KDM4C: variants seen among roughly 807,000 people sequenced by gnomAD.
KDM4C encodes lysine demethylase 4C.
Under a neutral mutation model 129.3 loss-of-function variants are expected in KDM4C, and 81 were observed. The ratio of observed to expected loss-of-function variants is 0.63; its 90% CI spans 0.52 to 0.75. KDM4C has a LOEUF of 0.75. Ranked by LOEUF, KDM4C falls within the 30% of genes least tolerant of loss-of-function variation. KDM4C has a pLI of 0.00. For missense variants in KDM4C, 1,457 were observed against 1,304.0 expected, an observed-to-expected ratio of 1.12 and a Z score of -1.81; for synonymous variants, 573 against 456.1, an observed-to-expected ratio of 1.26 and a Z score of -3.26.
chr9:6,863,210 A>G (rs1389428815), intron 5 of KDM4C, among the ~76,000 whole-genome samples: 1 of 151,742 alleles, frequency 6.6e-6, no homozygotes, highest in Non-Finnish European at 1.5e-5. Context: ...CTTAATTTAC[A>G]TGTTTTAATA....
intron 15 of KDM4C, among the ~76,000 whole-genome samples, chr9:7,016,132 C>CTTT (rs747210107): frequency 2.7e-4 from 39 of 144,296 alleles, no homozygotes; most frequent in African/African-American, 6.9e-4. Flanking sequence ...AATTTATTTT[C>CTTT]TTTTTTTTTT....
At position 6,849,174 on chromosome 9, in the gene KDM4C, C is replaced by T. The variant is rs540395244; in HGVS notation, c.436-333C>T. Among the ~76,000 whole-genome samples the T allele has an allele frequency of 5.9e-5, 9 of 152,252 alleles. No individual in the cohort carries two copies. The East Asian group carries it at 9.7e-4, about 16-fold the overall frequency. On this transcript the variant is annotated intron_variant, in intron 4 of 21. Transcript: ENST00000381309. ...TGTGCCAAGGAGGGAGAGCACATGC[C>T]GGATCATCTACTTTGAATCAGTAAT...
intron 15 of KDM4C, 147 bp from the exon 16 acceptor site, chr9:7,046,715 G>T: frequency 1.6e-6 from 1 of 634,324 alleles, no homozygotes; most frequent in South Asian, 2.2e-5. Context: ...CTTTCTTTTT[G>T]AACTTCTCAG....
intron 15 of KDM4C, among the ~76,000 whole-genome samples, chr9:7,039,358 A>G (rs1297913475): frequency 1.3e-5 from 2 of 152,000 alleles, no homozygotes. Flanking sequence ...TATTCAACAT[A>G]TTATTTATAA....
intron 17 of KDM4C, among the ~76,000 whole-genome samples, chr9:7,075,683 C>A (rs1301067830): frequency 6.6e-6 from 1 of 152,130 alleles, no homozygotes; most frequent in Admixed American, 6.5e-5. Flanking sequence ...AAATAAACCT[C>A]TTTTCTTTAT....
At chr9:7,098,150 G>A (rs772098814) in intron 17 of KDM4C, among the ~76,000 whole-genome samples, 2 of 152,154 alleles carry the variant, frequency 1.3e-5, no homozygotes, top group Admixed American at 1.3e-4. Context: ...ATTCTTTTGT[G>A]ATTTTTATTT....
At chr9:6,988,158 TAAAAA>T (rs60244122) in intron 11 of KDM4C, among the ~76,000 whole-genome samples, 28,249 of 85,496 alleles carry the variant, frequency 0.33, 4,653 homozygotes, top group Middle Eastern at 0.43. Context: ...CCCTGTCTCT[TAAAAA>T]AAAAAAAAAA....
Position 6,932,862 on chromosome 9 carries a change from G to T in KDM4C, c.921+39630G>T, listed in dbSNP as rs538076011. Among the ~76,000 whole-genome samples, 445 of 152,316 alleles carry T rather than the reference G, an allele frequency of 2.9e-3. 5 individuals are homozygous for T. Among genetic ancestry groups the T allele is most frequent in the African/African-American group, 0.01 (426 of 41,570 alleles). On this transcript the variant is annotated intron_variant, in intron 8 of 21. Coordinates refer to ENST00000381309, the MANE Select transcript of KDM4C (RefSeq NM_015061.6). Reference sequence around the variant, plus strand: ...TACACAGGGCAGCCTCCACTACAAAGGATTATATGGCCCCAAAATATCAAT... The same window carrying T: ...TACACAGGGCAGCCTCCACTACAAATGATTATATGGCCCCAAAATATCAAT...
chr9:7,164,144 T>C (rs1363797853), intron 19 of KDM4C, among the ~76,000 whole-genome samples: 1 of 152,224 alleles, frequency 6.6e-6, no homozygotes, highest in East Asian at 1.9e-4. Context: ...TTCATTCAGA[T>C]TGTCCTCATC....
At chr9:6,878,387 G>T (rs538137227) in intron 5 of KDM4C, among the ~76,000 whole-genome samples, 3 of 152,256 alleles carry the variant, frequency 2.0e-5, no homozygotes, top group South Asian at 2.1e-4. Context: ...AAGAAAAGTA[G>T]AACTAATTAA....
chr9:7,025,650 G>GCT (rs1455850035), intron 15 of KDM4C, among the ~76,000 whole-genome samples: 3 of 152,126 alleles, frequency 2.0e-5, no homozygotes, highest in Non-Finnish European at 4.4e-5. Flanking sequence ...ACCAATAAAA[G>GCT]CTCTACACTT....
intron 19 of KDM4C, among the ~76,000 whole-genome samples, chr9:7,150,467 A>C (rs943009053): frequency 1.3e-5 from 2 of 152,178 alleles, no homozygotes; most frequent in Admixed American, 1.3e-4. Flanking sequence ...GCAGATATTC[A>C]TGTGTGTATT....
intron 8 of KDM4C, among the ~76,000 whole-genome samples, chr9:6,917,555 C>CCATG (rs2131155976): frequency 6.6e-6 from 1 of 152,280 alleles, no homozygotes; most frequent in Admixed American, 6.5e-5. Context: ...GTGTATCTGA[C>CCATG]CATGGCTGGA....
intron 19 of KDM4C, among the ~76,000 whole-genome samples, chr9:7,157,129 T>A (rs548016137): frequency 1.3e-5 from 2 of 152,244 alleles, no homozygotes; most frequent in South Asian, 4.2e-4. Flanking sequence ...TGAATGGGAG[T>A]TCACCCATGA....
chr9:6,729,129 G>A (rs1483775204), intron 1 of KDM4C, among the ~76,000 whole-genome samples: 3 of 78,242 alleles, frequency 3.8e-5, no homozygotes, highest in Non-Finnish European at 6.6e-5. Flanking sequence ...GCTTGAACCC[G>A]GGAAGCAGAG....
At chr9:6,732,122 C>T (rs1311655299) in intron 1 of KDM4C, among the ~76,000 whole-genome samples, 1 of 151,756 alleles carries the variant, frequency 6.6e-6, no homozygotes, top group Non-Finnish European at 1.5e-5. Flanking sequence ...AATCCCAGCA[C>T]TTGGGAGGCC....
At chr9:6,969,776 A>G (rs11791396) in intron 8 of KDM4C, among the ~76,000 whole-genome samples, 8,012 of 152,216 alleles carry the variant, frequency 0.053, 686 homozygotes, top group African/African-American at 0.18. Flanking sequence ...TGAGTGTTAT[A>G]TACTTAGAGA....
chr9:7,089,090 A>G (rs57226500), intron 17 of KDM4C, among the ~76,000 whole-genome samples: 5,847 of 152,252 alleles, frequency 0.038, 332 homozygotes, highest in African/African-American at 0.13. Flanking sequence ...AAAAAGAAAA[A>G]TATTAGAGCT....
intron 12 of KDM4C, among the ~76,000 whole-genome samples, chr9:6,992,046 C>G (rs1586760879): frequency 6.6e-6 from 1 of 151,776 alleles, no homozygotes; most frequent in South Asian, 2.1e-4. Flanking sequence ...TTATTATACC[C>G]AGTACAAACC....
Sources: gnomAD v4.1 joint callset for allele counts (sites outside exome capture counted in the v4.1 genomes callset) on GRCh38, gnomAD v4.1.1 for gene constraint, MANE v1.5 for transcripts, NCBI Gene and HGNC (gene_info 2026-07-23, HGNC 2026-07-21) for gene names.